EDIL3: variants seen among roughly 807,000 people sequenced by gnomAD.
The protein encoded by EDIL3 is EGF like and discoidin domains 3.
EDIL3 carries 37 observed loss-of-function variants against 67.4 expected under a neutral mutation model. The observed-to-expected ratio is 0.55, with a 90% CI of 0.42 to 0.72. EDIL3 has a LOEUF of 0.72. Among genes scored for constraint, EDIL3 ranks in the 30% least tolerant of loss-of-function variants. EDIL3 has a pLI of 0.00. For missense variants in EDIL3, 527 were observed against 586.3 expected (o/e 0.90, Z 1.04); for synonymous variants, 195 against 196.3 (o/e 0.99, Z 0.05).
chr5:84,330,383 T>C lies in EDIL3; in HGVS notation c.67+53925A>G, dbSNP rs150003973. Among the ~76,000 whole-genome samples the C allele has an allele frequency of 7.4e-4, 112 of 152,290 alleles. 1 individual carries two copies. In the East Asian group the frequency reaches 0.019, roughly 26 times the overall value. ...TGCAATTATTATGGAAGAATTAGTA[T>C]AATTATAGATCTCAAAGGTATACTC... On this transcript the variant is annotated intron_variant, in intron 1 of 10. Coordinates refer to ENST00000296591, the MANE Select transcript of EDIL3 (RefSeq NM_005711.5).
At chr5:84,201,328 T>C (rs1743826868) in intron 3 of EDIL3, among the ~76,000 whole-genome samples, 1 of 152,078 alleles carries the variant, frequency 6.6e-6, no homozygotes, top group African/African-American at 2.4e-5. Context: ...ATGCCTCTAG[T>C]TTAGGATTGT....
At chr5:83,956,591 A>C (rs1744517446) in intron 10 of EDIL3, among the ~76,000 whole-genome samples, 1 of 151,740 alleles carries the variant, frequency 6.6e-6, no homozygotes, top group Non-Finnish European at 1.5e-5. Context: ...ATTATTCTGT[A>C]CTTAGATATT....
intron 1 of EDIL3, among the ~76,000 whole-genome samples, chr5:84,281,474 T>G (rs1202053702): frequency 6.6e-6 from 1 of 152,246 alleles, no homozygotes; most frequent in East Asian, 1.9e-4. Context: ...TGTTTCCATC[T>G]TATCCTAATG....
chr5:84,282,298 T>C (rs1410229135), intron 1 of EDIL3, among the ~76,000 whole-genome samples: 1 of 152,200 alleles, frequency 6.6e-6, no homozygotes, highest in Non-Finnish European at 1.5e-5. Flanking sequence ...ATTTATAATA[T>C]GAATGCATGA....
intron 1 of EDIL3, among the ~76,000 whole-genome samples, chr5:84,317,342 A>G (rs1746534930): frequency 6.6e-6 from 1 of 152,184 alleles, no homozygotes; most frequent in Non-Finnish European, 1.5e-5. Flanking sequence ...TGAAAAGATC[A>G]ACAAAATAGA....
At chr5:84,169,266 A>G (rs535133011) in intron 4 of EDIL3, among the ~76,000 whole-genome samples, 1 of 152,298 alleles carries the variant, frequency 6.6e-6, no homozygotes, top group South Asian at 2.1e-4. Context: ...TTGAAAAACT[A>G]TAATACAAAG....
At chr5:84,286,136 G>A (rs1190729106) in intron 1 of EDIL3, among the ~76,000 whole-genome samples, 1 of 152,030 alleles carries the variant, frequency 6.6e-6, no homozygotes. Context: ...CCTGAGCTTT[G>A]GCTTTCTGCA....
At chr5:84,141,433 T>G (rs1748185828) in intron 4 of EDIL3, among the ~76,000 whole-genome samples, 1 of 147,176 alleles carries the variant, frequency 6.8e-6, no homozygotes, top group African/African-American at 2.5e-5. Flanking sequence ...TTCCTGAAAT[T>G]ATATATAATA....
At chr5:84,323,122 T>A (rs574078597) in intron 1 of EDIL3, among the ~76,000 whole-genome samples, 48 of 152,216 alleles carry the variant, frequency 3.2e-4, no homozygotes, top group Admixed American at 1.0e-3. Context: ...TACACTTTTT[T>A]AAATTATTAA....
At chr5:83,949,928 G>A (rs527838491) in intron 10 of EDIL3, among the ~76,000 whole-genome samples, 5 of 151,950 alleles carry the variant, frequency 3.3e-5, no homozygotes, top group African/African-American at 9.6e-5. Context: ...GTTTACAGTG[G>A]GGTCTTCAGG....
intron 5 of EDIL3, among the ~76,000 whole-genome samples, chr5:84,112,595 G>A (rs1272975833): frequency 6.6e-6 from 1 of 152,048 alleles, no homozygotes; most frequent in African/African-American, 2.4e-5. Context: ...GATTTTGGTG[G>A]GCTACTCTCA....
chr5:84,333,966 A>C (rs1746930146), intron 1 of EDIL3, among the ~76,000 whole-genome samples: 1 of 152,150 alleles, frequency 6.6e-6, no homozygotes, highest in Admixed American at 6.6e-5. Flanking sequence ...CTTCCTGTCC[A>C]GAAGGTCAAA....
At chr5:84,102,078 A>G (rs1306116457) in intron 6 of EDIL3, among the ~76,000 whole-genome samples, 1 of 152,132 alleles carries the variant, frequency 6.6e-6, no homozygotes, top group Admixed American at 6.6e-5. Context: ...CCACATGATC[A>G]TCTCAATAGA....
At chr5:84,104,162 A>G (rs1210383255) in intron 6 of EDIL3, among the ~76,000 whole-genome samples, 1 of 152,008 alleles carries the variant, frequency 6.6e-6, no homozygotes, top group African/African-American at 2.4e-5. Context: ...CACCACTTAC[A>G]GTGGGTGCTA....
intron 10 of EDIL3, among the ~76,000 whole-genome samples, chr5:83,957,138 T>C (rs1356404059): frequency 6.6e-6 from 1 of 151,702 alleles, no homozygotes; most frequent in Non-Finnish European, 1.5e-5. Flanking sequence ...CTCTGCCTTA[T>C]TTGAAAAGAG....
chr5:83,999,475 C>T (rs75921028), intron 9 of EDIL3, among the ~76,000 whole-genome samples: 1,599 of 151,918 alleles, frequency 0.011, 30 homozygotes, highest in African/African-American at 0.036. Flanking sequence ...AAATATCAAG[C>T]GGAAATTCTG....
At chr5:84,021,053 TTAAAAC>T (rs2112191951) in intron 9 of EDIL3, among the ~76,000 whole-genome samples, 1 of 152,146 alleles carries the variant, frequency 6.6e-6, no homozygotes, top group Non-Finnish European at 1.5e-5. Flanking sequence ...AAGAAATACA[TTAAAAC>T]TAAAGACAGT....
intron 6 of EDIL3, among the ~76,000 whole-genome samples, chr5:84,086,324 GA>G (rs1561426861): frequency 1.3e-5 from 2 of 152,302 alleles, no homozygotes; most frequent in East Asian, 3.9e-4. Context: ...CTGATCTGCG[GA>G]TTGCAAAAAT....
chr5:84,050,508 G>A (rs996707809), intron 9 of EDIL3, among the ~76,000 whole-genome samples: 1 of 152,190 alleles, frequency 6.6e-6, no homozygotes, highest in Non-Finnish European at 1.5e-5. Context: ...GCTGAAGCAG[G>A]GCGAGGCATC....
Sources: allele counts gnomAD v4.1 joint callset (sites outside exome capture counted in the v4.1 genomes callset), GRCh38; gene constraint gnomAD v4.1.1; transcripts MANE v1.5; gene names NCBI Gene and HGNC (gene_info 2026-07-23, HGNC 2026-07-21).